USH2A: variants seen among roughly 807,000 people sequenced by gnomAD.
USH2A encodes usherin, also known as Usher syndrome 2A (autosomal recessive, mild).
In USH2A, 443 loss-of-function variants were observed where a neutral mutation model predicts 538.9. The observed-to-expected ratio is 0.82, with a 90% CI of 0.76 to 0.89. The LOEUF (loss-of-function observed/expected upper bound fraction) is 0.89. USH2A is among the 40% of genes least tolerant of loss of function. The probability of loss-of-function intolerance (pLI) is 0.00; values close to 1 mark genes in which losing one functional copy is unlikely to be tolerated. For missense variants in USH2A, 6,633 were observed against 6,324.8 expected (o/e 1.05, Z -1.65); for synonymous variants, 2,413 against 2,273.5 (o/e 1.06, Z -1.75).
intron 43 of USH2A, 105 bp from the exon 44 acceptor site, chr1:215,867,275 C>A: frequency 7.9e-7 from 1 of 1,259,832 alleles, no homozygotes. Context: ...TCCTTCCACC[C>A]CTCTACAAAA....
At position 216,383,841 on chromosome 1, in the gene USH2A, A is replaced by T. The variant is rs182732570; in HGVS notation, c.652-18756T>A. ...AGGCATGCACCACCATGCCTGGCTA[A>T]TTTTTTTTCTTTCTTTCTTTCTTTC... On this transcript the variant is annotated intron_variant, in intron 3 of 71. Transcript: ENST00000307340. Among the ~76,000 whole-genome samples the T allele has an allele frequency of 3.1e-3, 454 of 147,434 alleles. 6 individuals are homozygous for T. The highest frequency in any genetic ancestry group is 0.018 in the South Asian group (85 of 4,622).
At chr1:215,786,333 C>G (rs972652331) in intron 52 of USH2A, among the ~76,000 whole-genome samples, 5 of 152,154 alleles carry the variant, frequency 3.3e-5, no homozygotes, top group African/African-American at 1.2e-4. Context: ...TCATTCAATG[C>G]ATTCAGTGGA....
intron 9 of USH2A, among the ~76,000 whole-genome samples, chr1:216,302,029 T>C (rs1198955006): frequency 1.3e-5 from 2 of 152,212 alleles, no homozygotes; most frequent in Non-Finnish European, 2.9e-5. Flanking sequence ...ATAAAAACTT[T>C]AGTGTACTCA....
chr1:216,355,196 G>A (rs533637861), intron 4 of USH2A, among the ~76,000 whole-genome samples: 96 of 151,822 alleles, frequency 6.3e-4, no homozygotes, highest in African/African-American at 2.1e-3. Flanking sequence ...TCAGCTACTC[G>A]GGAGGCTGAG....
intron 9 of USH2A, among the ~76,000 whole-genome samples, chr1:216,308,269 C>A (rs539235131): frequency 5.9e-5 from 9 of 152,172 alleles, no homozygotes; most frequent in African/African-American, 2.2e-4. Context: ...AAGTGTTCCA[C>A]GTAGACATTT....
At chr1:216,096,450 T>C (rs1328536562) in intron 22 of USH2A, among the ~76,000 whole-genome samples, 1 of 152,240 alleles carries the variant, frequency 6.6e-6, no homozygotes, top group African/African-American at 2.4e-5. Flanking sequence ...TGACCAACTT[T>C]TCTTCATTGA....
chr1:216,097,217 G>A lies in USH2A; in HGVS notation c.4628-4C>T. 6.2e-7 allele frequency: 1 copy of A among 1,614,090 alleles called. No homozygotes were observed. On this transcript the variant is annotated splice_region_variant and splice_polypyrimidine_tract_variant and intron_variant, in intron 21 of 71. Transcript: ENST00000307340. ...GTTCGAAAGCTGGCCTTAATGCCTG[G>A]TAAGACAAGTGTGATCAGCAAATCA... is the stretch of plus-strand genomic sequence containing the variant.
chr1:215,910,502 A>G (rs1386570976), intron 38 of USH2A, among the ~76,000 whole-genome samples: 2 of 151,948 alleles, frequency 1.3e-5, no homozygotes, highest in Non-Finnish European at 2.9e-5. Context: ...GGAGGATTAA[A>G]TAAGTTAATG....
chr1:216,190,676 C>T lies in USH2A; in HGVS notation c.4252-309G>A, dbSNP rs114272152. Among the ~76,000 whole-genome samples the T allele has an allele frequency of 3.2e-3, 481 of 151,920 alleles. 2 individuals carry two copies. The highest frequency in any genetic ancestry group is 0.011 in the African/African-American group (451 of 41,482). On this transcript the variant is annotated intron_variant, in intron 19 of 71. Coordinates refer to ENST00000307340, the MANE Select transcript of USH2A (RefSeq NM_206933.4). The stretch of plus-strand genomic sequence containing the variant: ...TTGTCACCAATGGTAGAGATAAAGA[C>T]GGTGACATTGTCATTGTTATCATGA...
rs764797292 is a variant in USH2A, at chr1:216,198,513, G to A, written c.3883C>T (p.Arg1295Ter). 9 of 1,613,920 alleles carry A rather than the reference G, an allele frequency of 5.6e-6. No homozygotes were observed. The highest frequency in any genetic ancestry group is 1.1e-5 in the South Asian group (1 of 91,068). The change falls in exon 18 of 72, where the codon CGA becomes TGA. Residue 1295 changes from arginine (R) to a stop codon, truncating the protein, a stop_gained. Coordinates refer to ENST00000307340, the MANE Select transcript of USH2A (RefSeq NM_206933.4). LOFTEE classifies it high-confidence loss of function. ...STKETTSEES[R>*]VFQSSGWLSP... ...AGCCAACCACTGCTCTGAAAAACTC[G>A]ACTTTCCTCAGATGTGGTTTCTTTA... is the stretch of plus-strand genomic sequence containing the variant.
chr1:215,989,146 A>G (rs1667947969), intron 35 of USH2A, among the ~76,000 whole-genome samples: 3 of 152,226 alleles, frequency 2.0e-5, no homozygotes, highest in Admixed American at 2.0e-4. Context: ...CATTATAGAA[A>G]TTGAGTTTAA....
chr1:215,780,057 T>C lies in USH2A; in HGVS notation c.10741-16A>G. On this transcript the variant is annotated splice_polypyrimidine_tract_variant and intron_variant, in intron 54 of 71. Transcript: ENST00000307340. ...CTGCAACTACCTGAAGACGTAGGAA[T>C]TAAGCAGCAATTTATTGTAATAGTG... 5 of 1,613,912 alleles carry C rather than the reference T, an allele frequency of 3.1e-6. No homozygotes were observed. The highest frequency in any genetic ancestry group is 3.4e-6 in the Non-Finnish European group (4 of 1,179,898).
In USH2A at chr1:215,681,760, C is replaced by T. The variant is rs183617406; in HGVS notation, c.12067-1384G>A. ...GCTGTATATTTTAACTGTGTTATTTCTTGTTATGTGTTAAACATAGGCAGA... is the reference window on the plus strand; with the variant it reads ...GCTGTATATTTTAACTGTGTTATTTTTTGTTATGTGTTAAACATAGGCAGA... On this transcript the variant is annotated intron_variant, in intron 61 of 71. Coordinates refer to ENST00000307340, the MANE Select transcript of USH2A (RefSeq NM_206933.4). Among the ~76,000 whole-genome samples, 108 of 152,240 alleles carry T rather than the reference C, an allele frequency of 7.1e-4. 2 individuals are homozygous for T. In the East Asian group the frequency reaches 0.019, roughly 27 times the overall value.
chr1:216,100,046 A>G (rs1030322953), intron 21 of USH2A, among the ~76,000 whole-genome samples: 1 of 152,238 alleles, frequency 6.6e-6, no homozygotes, highest in Admixed American at 6.5e-5. Flanking sequence ...AAGTTAGATC[A>G]AGATAATATT....
Position 216,070,274 on chromosome 1 carries a change from G to A in USH2A, c.5876C>T (p.Thr1959Ile), listed in dbSNP as rs569113276. ...TTGAAPQSVPTPSRVRSLNGY... is the reference protein window; with the variant it reads ...TTGAAPQSVPIPSRVRSLNGY... Reference sequence around the variant, plus strand: ...ATTTAAGCTGCGGACTCTTGAGGGAGTTGGCACACTTTGTGGAGCTGTGAA... The same window carrying A: ...ATTTAAGCTGCGGACTCTTGAGGGAATTGGCACACTTTGTGGAGCTGTGAA... The change falls in exon 30 of 72, where the codon ACT becomes ATT. Residue 1959 changes from threonine (T) to isoleucine (I), a missense_variant. By Grantham distance (89) the Thr-to-Ile change is moderately conservative. Transcript: ENST00000307340. 1.1e-5 allele frequency: 18 copies of A among 1,613,944 alleles called. No individual in the cohort carries two copies. In the East Asian group the frequency reaches 4.0e-4, roughly 36 times the overall value.
intron 30 of USH2A, among the ~76,000 whole-genome samples, chr1:216,058,990 C>T (rs1314710387): frequency 6.6e-6 from 1 of 151,918 alleles, no homozygotes; most frequent in Non-Finnish European, 1.5e-5. Flanking sequence ...CAGAGAGTAC[C>T]ATAGGCAGTT....
chr1:215,634,730 A>C lies in USH2A; in HGVS notation c.15053-27T>G, dbSNP rs73087446. 6.4e-4 allele frequency: 1,027 copies of C among 1,614,196 alleles called. 7 individuals are homozygous for C. In the African/African-American group the frequency reaches 0.013, roughly 20 times the overall value. On this transcript the variant is annotated intron_variant, in intron 69 of 71. Coordinates refer to ENST00000307340, the MANE Select transcript of USH2A (RefSeq NM_206933.4). ...TGCAAAACCCAGAGAAAGAAAGGGG[A>C]AATGTTATTTCAGAAAGCATTTTTG... is the stretch of plus-strand genomic sequence containing the variant.
rs1277510422 is a variant in USH2A, at chr1:215,866,973, A to G, written c.8845+34T>C. ...AAAGAATATGCTTTTAAAAATACAC[A>G]AAGTGTTAACACAGGTATGAGAAGC... On this transcript the variant is annotated intron_variant, in intron 44 of 71. Transcript: ENST00000307340. 8 of 1,613,716 alleles carry G rather than the reference A, an allele frequency of 5.0e-6. No homozygotes were observed. The East Asian group carries it at 1.1e-4, about 23-fold the overall frequency.
chr1:216,167,243 C>T (rs1264003759), intron 21 of USH2A, among the ~76,000 whole-genome samples: 1 of 152,026 alleles, frequency 6.6e-6, no homozygotes, highest in Non-Finnish European at 1.5e-5. Flanking sequence ...CCCCACAACG[C>T]CCCACCAGAA....
Sources: allele counts gnomAD v4.1 joint callset (sites outside exome capture counted in the v4.1 genomes callset), GRCh38; gene constraint gnomAD v4.1.1; transcripts MANE v1.5; gene names NCBI Gene and HGNC (gene_info 2026-07-23, HGNC 2026-07-21).